SHLD3: variants seen among roughly 807,000 people sequenced by gnomAD.
SHLD3 encodes REV7-interacting novel NHEJ regulator 1.
Under a neutral mutation model 21.4 loss-of-function variants are expected in SHLD3, and 15 were observed. The ratio of observed to expected loss-of-function variants is 0.70; its 90% CI spans 0.47 to 1.08. The LOEUF (loss-of-function observed/expected upper bound fraction) is 1.08, where lower values mean the gene tolerates loss of function less well. Among genes scored for constraint, SHLD3 ranks in the 50% least tolerant of loss-of-function variants. The pLI is 0.00. For synonymous variants in SHLD3, 103 were observed against 97.2 expected (o/e 1.06, Z -0.35); for missense variants, 273 against 286.1 (o/e 0.95, Z 0.33).
At chr5:65,625,992 C>T (rs1414671265) in intron 1 of SHLD3, 1 of 152,176 alleles carries the variant, frequency 6.6e-6, no homozygotes, top group African/African-American at 2.4e-5. Context: ...TCTAGAAGCT[C>T]ATCAGTCTCA....
chr5:65,629,421 C>T, intron 1 of SHLD3, 47 bp from the exon 2 acceptor site: 2 of 1,281,122 alleles, frequency 1.6e-6, no homozygotes. Context: ...TGTTGGTAGG[C>T]AGGGTATCCC....
In SHLD3 at chr5:65,630,630, T is replaced by TA; in HGVS notation, c.*294dup. 1 of 1,038,418 alleles carries TA rather than the reference T, an allele frequency of 9.6e-7. No individual in the cohort carries two copies. Among genetic ancestry groups the TA allele is most frequent in the South Asian group, 4.3e-5 (1 of 23,164 alleles). 64.3% of individuals were successfully genotyped at this position (1,038,418 alleles called of 1,614,324 possible). ...TATAGTTTGGATTTTGGTTAATCTC[T>TA]AAAATCTAATTTTACTGTATTTTTT... On this transcript the variant is annotated 3_prime_UTR_variant, in exon 2 of 2. Transcript: ENST00000510585.
chr5:65,629,887 G>T lies in SHLD3; in HGVS notation c.300G>T (p.Gln100His). The T allele has an allele frequency of 6.5e-7, 1 of 1,536,054 alleles. No individual in the cohort carries two copies. Residue 100 changes from glutamine to histidine, a missense_variant, in exon 2 of 2, where the codon CAG (glutamine) becomes CAT (histidine). Coordinates refer to ENST00000510585, the MANE Select transcript of SHLD3 (RefSeq NM_001365341.2). ...AGTTTCAACCTAGCTTGAAAAAGCAGCATTTAACCTGGTCACACACACTGA... is the reference window on the plus strand; with the variant it reads ...AGTTTCAACCTAGCTTGAAAAAGCATCATTTAACCTGGTCACACACACTGA... ...LLEFQPSLKK[Q>H]HLTWSHTLKE...
chr5:65,630,155 C>G lies in SHLD3; in HGVS notation c.568C>G (p.Gln190Glu). The stretch of plus-strand genomic sequence containing the variant: ...GGAAGACATTTGGACAAAACTCAAT[C>G]AAATTATTAGGCACAATGAACTTCC... ...TLEDIWTKLNQIIRHNELPSC... is the reference protein window; with the variant it reads ...TLEDIWTKLNEIIRHNELPSC... The change falls in exon 2 of 2, where the codon CAA (glutamine) becomes GAA (glutamate). Residue 190 changes from glutamine to glutamate, a missense_variant. Coordinates refer to ENST00000510585, the MANE Select transcript of SHLD3 (RefSeq NM_001365341.2). The G allele has an allele frequency of 6.5e-7, 1 of 1,535,976 alleles. No homozygotes were observed. Among genetic ancestry groups the G allele is most frequent in the African/African-American group, 1.4e-5 (1 of 73,142 alleles).
Position 65,630,234 on chromosome 5 carries a change from A to C in SHLD3, c.647A>C (p.Asp216Ala). The C allele has an allele frequency of 6.5e-7, 1 of 1,535,850 alleles. No individual in the cohort carries two copies. Among genetic ancestry groups the C allele is most frequent in the Non-Finnish European group, 8.7e-7 (1 of 1,146,764 alleles). The change falls in exon 2 of 2, where the codon GAT becomes GCT. Residue 216 changes from aspartate (D) to alanine (A), a missense_variant. Asp to Ala is a moderately radical substitution (Grantham distance 126). Coordinates refer to ENST00000510585, the MANE Select transcript of SHLD3 (RefSeq NM_001365341.2). ...RHLGQIWVFC[D>A]IMYCEYVGSL... The stretch of plus-strand genomic sequence containing the variant: ...TTAGGCCAAATATGGGTGTTCTGTG[A>C]TATTATGTATTGTGAATATGTGGGA...
In SHLD3 at chr5:65,625,069, G is replaced by A; in HGVS notation, c.-158G>A. The A allele has an allele frequency of 6.2e-7, 1 of 1,613,750 alleles. No homozygotes were observed. Among genetic ancestry groups the A allele is most frequent in the South Asian group, 1.1e-5 (1 of 91,070 alleles). On this transcript the variant is annotated 5_prime_UTR_variant, in exon 1 of 2. Coordinates refer to ENST00000510585, the MANE Select transcript of SHLD3 (RefSeq NM_001365341.2). ...CAAAAGTGCCGGTCAAAATGGAAGT[G>A]AATCCCCCTAAACAGGAGCACCTGC... is the stretch of plus-strand genomic sequence containing the variant.
chr5:65,626,560 A>T (rs1755241449), intron 1 of SHLD3, among the ~76,000 whole-genome samples: 3 of 152,002 alleles, frequency 2.0e-5, no homozygotes, highest in Admixed American at 2.0e-4. Flanking sequence ...ACATAGTGAA[A>T]CCCCGTCTCT....
At chr5:65,628,115 A>G (rs1272856487) in intron 1 of SHLD3, among the ~76,000 whole-genome samples, 1 of 152,170 alleles carries the variant, frequency 6.6e-6, no homozygotes, top group Non-Finnish European at 1.5e-5. Context: ...TAACTTGCAG[A>G]TATTGGAAGG....
Position 65,630,175 on chromosome 5 carries a change from A to G in SHLD3, c.588A>G (p.Glu196=). Residue 196 remains glutamate, a synonymous_variant, in exon 2 of 2, where the codon GAA becomes GAG. Coordinates refer to ENST00000510585, the MANE Select transcript of SHLD3 (RefSeq NM_001365341.2). ...TCAATCAAATTATTAGGCACAATGA[A>G]CTTCCATCTTGTAATGCTACAATTC... ...TKLNQIIRHN[E]LPSCNATIQR... The G allele has an allele frequency of 6.5e-7, 1 of 1,536,050 alleles. No individual in the cohort carries two copies. The highest frequency in any genetic ancestry group is 1.2e-5 in the South Asian group (1 of 84,058).
chr5:65,627,082 A>AGATTGC (rs899711499), intron 1 of SHLD3, among the ~76,000 whole-genome samples: 1 of 130,266 alleles, frequency 7.7e-6, no homozygotes, highest in African/African-American at 2.9e-5. Flanking sequence ...CAGTGAGCTG[A>AGATTGC]GATTGCGCCA....
chr5:65,625,048 A>C lies in SHLD3; in HGVS notation c.-179A>C. 6.2e-7 allele frequency: 1 copy of C among 1,613,280 alleles called. No homozygotes were observed. Among genetic ancestry groups the C allele is most frequent in the Non-Finnish European group, 8.5e-7 (1 of 1,179,318 alleles). On this transcript the variant is annotated 5_prime_UTR_variant, in exon 1 of 2. Coordinates refer to ENST00000510585, the MANE Select transcript of SHLD3 (RefSeq NM_001365341.2). Reference sequence around the variant, plus strand: ...CAGCCCCCGTAGGCTGTGGGTCAAAAGTGCCGGTCAAAATGGAAGTGAATC... The same window carrying C: ...CAGCCCCCGTAGGCTGTGGGTCAAACGTGCCGGTCAAAATGGAAGTGAATC...
intron 1 of SHLD3, among the ~76,000 whole-genome samples, chr5:65,627,131 CAAAAAAAAAAAAAAAA>C (rs60169195): frequency 1.2e-4 from 4 of 32,576 alleles, no homozygotes; most frequent in Non-Finnish European, 2.6e-4. Context: ...GACCCTGTCT[CAAAAAAAAAAAAAAAA>C]AAAAAAAAAA....
rs147601695 is a variant in SHLD3, at chr5:65,629,192, G to A, written c.-120-276G>A. Among the ~76,000 whole-genome samples, 522 of 151,922 alleles carry A rather than the reference G, an allele frequency of 3.4e-3. 2 individuals carry two copies. Among genetic ancestry groups the A allele is most frequent in the Non-Finnish European group, 5.8e-3 (394 of 67,954 alleles). On this transcript the variant is annotated intron_variant, in intron 1 of 1. Coordinates refer to ENST00000510585, the MANE Select transcript of SHLD3 (RefSeq NM_001365341.2). ...TATTATTACTTAATATATTAATATC[G>A]ATACTTCCAAGTCCTTTATATCTAT... is the stretch of plus-strand genomic sequence containing the variant.
At chr5:65,629,289 T>G (rs1755413347) in intron 1 of SHLD3, among the ~76,000 whole-genome samples, 179 bp from the exon 2 acceptor site, 1 of 152,204 alleles carries the variant, frequency 6.6e-6, no homozygotes. Context: ...TTCAGATCCC[T>G]TATTTTGGTA....
intron 1 of SHLD3, among the ~76,000 whole-genome samples, chr5:65,628,875 T>C (rs1755385737): frequency 6.6e-6 from 1 of 151,590 alleles, no homozygotes; most frequent in Non-Finnish European, 1.5e-5. Flanking sequence ...CCAGGCTGAG[T>C]GGCATGATCT....
Position 65,625,651 on chromosome 5 carries a change from A to G in SHLD3, c.-121+545A>G, listed in dbSNP as rs567828386. On this transcript the variant is annotated intron_variant, in intron 1 of 1. Coordinates refer to ENST00000510585, the MANE Select transcript of SHLD3 (RefSeq NM_001365341.2). ...TAATGTCAACTCTCATTTTTTGTAC[A>G]CAGCCATTTTGAGTAAGTTTGGTGA... 3.3e-5 allele frequency among the ~76,000 whole-genome samples: 5 copies of G among 152,296 alleles called. No individual in the cohort carries two copies. The East Asian group carries it at 5.8e-4, about 18-fold the overall frequency.
At chr5:65,629,355 G>C in intron 1 of SHLD3, 113 bp from the exon 2 acceptor site, 2 of 736,874 alleles carry the variant, frequency 2.7e-6, no homozygotes, top group Non-Finnish European at 3.7e-6. Flanking sequence ...TAGCACTTTG[G>C]TAAAATACCA....
chr5:65,626,595 G>T (rs988064781), intron 1 of SHLD3, among the ~76,000 whole-genome samples: 5 of 152,096 alleles, frequency 3.3e-5, no homozygotes, highest in African/African-American at 1.2e-4. Flanking sequence ...AGTTAGCCAG[G>T]CGTGGTGGCG....
At position 65,629,508 on chromosome 5, in the gene SHLD3, A is replaced by C. The variant is rs929632106; in HGVS notation, c.-80A>C. ...GATTTGGCAAGAGAGACAATCTTGCAATAATAAATTAACATTCTAGCTCTG... is the reference window on the plus strand; with the variant it reads ...GATTTGGCAAGAGAGACAATCTTGCCATAATAAATTAACATTCTAGCTCTG... On this transcript the variant is annotated 5_prime_UTR_variant, in exon 2 of 2. Coordinates refer to ENST00000510585, the MANE Select transcript of SHLD3 (RefSeq NM_001365341.2). The C allele has an allele frequency of 4.2e-6, 6 of 1,439,940 alleles. No individual in the cohort carries two copies. Among genetic ancestry groups the C allele is most frequent in the Non-Finnish European group, 5.4e-6 (6 of 1,102,334 alleles). 89.2% of individuals were successfully genotyped at this position (1,439,940 alleles called of 1,614,324 possible). A position where few individuals can be genotyped will look rare whatever the true frequency, so the allele number is the denominator to read the frequency against.
Sources: allele counts gnomAD v4.1 joint callset (sites outside exome capture counted in the v4.1 genomes callset), GRCh38; gene constraint gnomAD v4.1.1; transcripts MANE v1.5; gene names NCBI Gene and HGNC (gene_info 2026-07-23, HGNC 2026-07-21).